Variants in SDK1 observed in about 807,000 individuals in gnomAD.
SDK1 encodes the protein sidekick cell adhesion molecule 1.
Under a neutral mutation model 245.5 loss-of-function variants are expected in SDK1, and 157 were observed. The ratio of observed to expected loss-of-function variants is 0.64; its 90% CI spans 0.56 to 0.73. SDK1 has a LOEUF of 0.73. Ranked by LOEUF, SDK1 falls within the 30% of genes least tolerant of loss-of-function variation. The probability of loss-of-function intolerance (pLI) is 0.00; values close to 1 mark genes in which losing one functional copy is unlikely to be tolerated. For synonymous variants in SDK1, 1,647 were observed against 1,278.5 expected (o/e 1.29, Z -6.15); for missense variants, 3,583 against 3,002.3 (o/e 1.19, Z -4.52).
At chr7:4,138,528 C>T (rs1779244448) in intron 28 of SDK1, among the ~76,000 whole-genome samples, 1 of 152,132 alleles carries the variant, frequency 6.6e-6, no homozygotes, top group South Asian at 2.1e-4. Flanking sequence ...GGTGGATCCA[C>T]GTGAGGTCAG....
At chr7:3,333,723 G>T (rs1009070956) in intron 1 of SDK1, among the ~76,000 whole-genome samples, 3 of 152,186 alleles carry the variant, frequency 2.0e-5, no homozygotes, top group Non-Finnish European at 4.4e-5. Flanking sequence ...GATGGTATTG[G>T]TCAGGGTTCG....
chr7:3,636,028 G>A (rs894401052), intron 2 of SDK1, among the ~76,000 whole-genome samples: 1 of 152,170 alleles, frequency 6.6e-6, no homozygotes, highest in African/African-American at 2.4e-5. Context: ...TTATTCAACT[G>A]CAATGTGCAT....
chr7:3,636,589 T>G (rs958907326), intron 2 of SDK1, among the ~76,000 whole-genome samples: 2 of 152,234 alleles, frequency 1.3e-5, no homozygotes, highest in African/African-American at 4.8e-5. Context: ...ACACCACCTT[T>G]TCTTTCGCCA....
At chr7:3,692,419 AG>A (rs1784461836) in intron 4 of SDK1, among the ~76,000 whole-genome samples, 1 of 152,064 alleles carries the variant, frequency 6.6e-6, no homozygotes, top group Non-Finnish European at 1.5e-5. Context: ...CTATATAGTT[AG>A]TTTTGCTATT....
intron 1 of SDK1, among the ~76,000 whole-genome samples, chr7:3,518,107 T>TC (rs1367666506): frequency 6.6e-6 from 1 of 152,102 alleles, no homozygotes; most frequent in Non-Finnish European, 1.5e-5. Context: ...TATGTTTGTT[T>TC]CCCCTAGAAG....
At chr7:3,835,350 T>A (rs973015533) in intron 5 of SDK1, among the ~76,000 whole-genome samples, 2 of 152,186 alleles carry the variant, frequency 1.3e-5, no homozygotes, top group African/African-American at 2.4e-5. Context: ...CCTCTTTGTC[T>A]CAGTCTTACT....
chr7:3,451,022 G>C (rs1780496537), intron 1 of SDK1, among the ~76,000 whole-genome samples: 1 of 152,154 alleles, frequency 6.6e-6, no homozygotes, highest in Non-Finnish European at 1.5e-5. Flanking sequence ...CCTGTCTCCT[G>C]GGTTTGGCAA....
Position 4,114,276 on chromosome 7 carries a change from TGAG to T in SDK1, c.3823+4_3823+6del. On this transcript the variant is annotated splice_donor_5th_base_variant and intron_variant, in intron 25 of 44. Coordinates refer to ENST00000404826, the MANE Select transcript of SDK1 (RefSeq NM_152744.4). ...TGCGGGGCCGGACGCGGGAGTCAGG[TGAG>T]GGGAAGGCGATTCCCATCCTGGAGA... The T allele has an allele frequency of 6.3e-7, 1 of 1,593,284 alleles. No individual in the cohort carries two copies. Among genetic ancestry groups the T allele is most frequent in the Non-Finnish European group, 8.5e-7 (1 of 1,171,074 alleles).
At chr7:4,253,381 CTTT>C (rs1026278516) in intron 44 of SDK1, among the ~76,000 whole-genome samples, 33 of 152,144 alleles carry the variant, frequency 2.2e-4, no homozygotes, top group African/African-American at 7.7e-4. Flanking sequence ...GTAATTTCTT[CTTT>C]GACACATTCG....
chr7:4,216,892 G>A (rs534366267), intron 38 of SDK1, among the ~76,000 whole-genome samples: 21 of 152,300 alleles, frequency 1.4e-4, no homozygotes, highest in Non-Finnish European at 2.4e-4. Context: ...GCAGAGCCCA[G>A]GGCCATCCCC....
chr7:3,421,057 AAT>A (rs1491242320), intron 1 of SDK1, among the ~76,000 whole-genome samples: 12 of 145,814 alleles, frequency 8.2e-5, no homozygotes, highest in African/African-American at 2.8e-4. Context: ...AGCTTTTATC[AAT>A]TTTTTTTTTT....
chr7:3,926,139 A>G (rs939315317), intron 5 of SDK1, among the ~76,000 whole-genome samples: 1 of 152,108 alleles, frequency 6.6e-6, no homozygotes, highest in Admixed American at 6.5e-5. Context: ...TGCAACAAGC[A>G]CTGATGGAGT....
intron 5 of SDK1, among the ~76,000 whole-genome samples, chr7:3,910,782 C>G (rs906589059): frequency 6.6e-6 from 1 of 152,190 alleles, no homozygotes; most frequent in Admixed American, 6.5e-5. Flanking sequence ...CTGATGATTC[C>G]TCTCCTTGCA....
In SDK1 at chr7:3,563,853, C is replaced by G. The variant is rs28832366; in HGVS notation, c.299-55227C>G. 6.0e-3 allele frequency among the ~76,000 whole-genome samples: 905 copies of G among 151,948 alleles called. 8 individuals are homozygous for G. Among genetic ancestry groups the G allele is most frequent in the African/African-American group, 0.02 (833 of 41,468 alleles). On this transcript the variant is annotated intron_variant, in intron 1 of 44. Coordinates refer to ENST00000404826, the MANE Select transcript of SDK1 (RefSeq NM_152744.4). ...AAAGCAATAACAAATTAGGTTCACTCAGTATAATGCAATAAAATAAGAAAT... is the reference window on the plus strand; with the variant it reads ...AAAGCAATAACAAATTAGGTTCACTGAGTATAATGCAATAAAATAAGAAAT...
At chr7:4,055,553 GTTTTTGTTT>G (rs374475009) in intron 19 of SDK1, among the ~76,000 whole-genome samples, 6,899 of 94,758 alleles carry the variant, frequency 0.073, 301 homozygotes, top group African/African-American at 0.33. Flanking sequence ...TGTTGTTGTT[GTTTTTGTTT>G]TTTGTTTTTT....
At chr7:3,777,719 C>G (rs1157404384) in intron 4 of SDK1, among the ~76,000 whole-genome samples, 1 of 151,966 alleles carries the variant, frequency 6.6e-6, no homozygotes, top group African/African-American at 2.4e-5. Flanking sequence ...CACTGCCCAT[C>G]TATATATTAC....
intron 1 of SDK1, among the ~76,000 whole-genome samples, chr7:3,404,398 G>C (rs1778997892): frequency 6.6e-6 from 1 of 151,880 alleles, no homozygotes. Context: ...CCTCTTTTTT[G>C]TATGTTTTAT....
chr7:3,443,373 A>C (rs894695592), intron 1 of SDK1, among the ~76,000 whole-genome samples: 8 of 152,204 alleles, frequency 5.3e-5, no homozygotes, highest in Admixed American at 3.9e-4. Context: ...TGTCAAATAT[A>C]TTAAAATTTG....
At chr7:3,770,006 C>T (rs981809233) in intron 4 of SDK1, among the ~76,000 whole-genome samples, 1 of 151,260 alleles carries the variant, frequency 6.6e-6, no homozygotes, top group African/African-American at 2.4e-5. Flanking sequence ...TGTGTAAGTT[C>T]ACATATCCCT....
Sources: allele counts gnomAD v4.1 joint callset (sites outside exome capture counted in the v4.1 genomes callset), GRCh38; gene constraint gnomAD v4.1.1; transcripts MANE v1.5; gene names NCBI Gene and HGNC (gene_info 2026-07-23, HGNC 2026-07-21).